The following ANKRD36C variants were observed in gnomAD, a reference collection of about 807,000 sequenced individuals.
ANKRD36C encodes the protein ankyrin repeat domain-containing protein 36C.
Under a neutral mutation model 276.4 loss-of-function variants are expected in ANKRD36C, and 61 were observed. The observed-to-expected ratio is 0.22, with a 90% CI of 0.18 to 0.27. The LOEUF is 0.27. Among genes scored for constraint, ANKRD36C ranks in the 10% least tolerant of loss-of-function variants. The probability of loss-of-function intolerance (pLI) is 1.00; values close to 1 mark genes in which losing one functional copy is unlikely to be tolerated. For synonymous variants in ANKRD36C, 483 were observed against 680.1 expected, an observed-to-expected ratio of 0.71 and a Z score of 4.51; for missense variants, 1,447 against 2,032.3, an observed-to-expected ratio of 0.71 and a Z score of 5.54.
intron 54 of ANKRD36C, 46 bp downstream of exon 74, chr2:95,884,127 T>C: frequency 6.4e-7 from 1 of 1,563,708 alleles, no homozygotes; most frequent in Non-Finnish European, 8.7e-7. Flanking sequence ...AGAAGTTCTT[T>C]TCTATCTGGA....
At chr2:95,911,829 T>A (rs975271325) in intron 42 of ANKRD36C, among the ~76,000 whole-genome samples, 7 of 151,458 alleles carry the variant, frequency 4.6e-5, no homozygotes, top group Non-Finnish European at 1.0e-4. Flanking sequence ...AGGGGTCTCC[T>A]CAGTTCTCCT....
intron 24 of ANKRD36C, among the ~76,000 whole-genome samples, chr2:95,931,921 A>G (rs1458342950): frequency 1.3e-5 from 2 of 152,110 alleles, no homozygotes; most frequent in East Asian, 1.9e-4. Flanking sequence ...TCTTCATCAA[A>G]GTCCTATTTG....
At chr2:95,910,305 T>G in intron 42 of ANKRD36C, 68 bp downstream of exon 46, 1 of 1,459,640 alleles carries the variant, frequency 6.9e-7, no homozygotes, top group Non-Finnish European at 9.2e-7. Context: ...ACCCGCTGCT[T>G]TATTTGGAGA....
At chr2:95,892,691 T>C (rs967153122) in intron 44 of ANKRD36C, among the ~76,000 whole-genome samples, 2 of 151,528 alleles carry the variant, frequency 1.3e-5, no homozygotes, top group African/African-American at 2.4e-5. Context: ...GAATCCAGCA[T>C]AATTTTTGTT....
intron 1 of ANKRD36C, among the ~76,000 whole-genome samples, chr2:95,991,090 C>T (rs1175423945): frequency 1.3e-5 from 2 of 150,614 alleles, no homozygotes; most frequent in East Asian, 3.9e-4. Flanking sequence ...AAAGAAAGTC[C>T]AGCCCCTTTG....
chr2:95,965,657 T>C (rs572811887), intron 6 of ANKRD36C, among the ~76,000 whole-genome samples: 3 of 152,166 alleles, frequency 2.0e-5, no homozygotes, highest in Admixed American at 2.0e-4. Context: ...TATGTCACCA[T>C]ATTTATGTCC....
chr2:95,944,332 C>T (rs1266064386), intron 19 of ANKRD36C, among the ~76,000 whole-genome samples: 1 of 152,148 alleles, frequency 6.6e-6, no homozygotes, highest in East Asian at 1.9e-4. Flanking sequence ...TAATGGCAAA[C>T]CTAAGAATCA....
At chr2:95,934,132 G>A (rs1406024338) in intron 24 of ANKRD36C, among the ~76,000 whole-genome samples, 3 of 152,126 alleles carry the variant, frequency 2.0e-5, no homozygotes, top group Admixed American at 2.0e-4. Flanking sequence ...TGGAGAAATA[G>A]GAACGCTTTT....
chr2:95,960,780 T>A, intron 8 of ANKRD36C, 113 bp from the exon 9 acceptor site: 1 of 568,352 alleles, frequency 1.8e-6, no homozygotes, highest in Admixed American at 3.2e-5. Flanking sequence ...TAGCATAGGC[T>A]TTGATGTTTT....
intron 60 of ANKRD36C, among the ~76,000 whole-genome samples, chr2:95,862,085 G>A (rs2264719): frequency 1.4e-4 from 21 of 151,982 alleles, no homozygotes; most frequent in Non-Finnish European, 2.2e-4. Context: ...AACCAGCCTC[G>A]CAATATATGA....
intron 58 of ANKRD36C, among the ~76,000 whole-genome samples, chr2:95,879,144 A>C (rs1173079826): frequency 1.3e-5 from 2 of 152,186 alleles, no homozygotes; most frequent in Admixed American, 6.5e-5. Flanking sequence ...CCTCTCATTC[A>C]CATGACATGG....
intron 59 of ANKRD36C, among the ~76,000 whole-genome samples, chr2:95,872,789 A>C (rs1452320114): frequency 6.6e-6 from 1 of 152,188 alleles, no homozygotes; most frequent in Non-Finnish European, 1.5e-5. Flanking sequence ...AAAAGAAGAA[A>C]AGAGAGAAGA....
At chr2:95,977,375 T>A (rs1678832144) in intron 6 of ANKRD36C, among the ~76,000 whole-genome samples, 1 of 152,228 alleles carries the variant, frequency 6.6e-6, no homozygotes, top group African/African-American at 2.4e-5. Flanking sequence ...CACTGATGGT[T>A]TTCACAGGAA....
intron 6 of ANKRD36C, among the ~76,000 whole-genome samples, chr2:95,975,164 G>A (rs946848740): frequency 6.6e-6 from 1 of 152,116 alleles, no homozygotes; most frequent in African/African-American, 2.4e-5. Context: ...CCATTCTCAT[G>A]GGTAGGAAGA....
At chr2:95,851,222 A>T in intron 66 of ANKRD36C, 27 bp from the exon 87 acceptor site, 1 of 1,484,746 alleles carries the variant, frequency 6.7e-7, no homozygotes, top group South Asian at 1.2e-5. Context: ...ATTACTTATA[A>T]TGTTTCAGTC....
intron 32 of ANKRD36C, 41 bp downstream of exon 32, chr2:95,923,454 T>A (rs765609465): frequency 8.7e-6 from 14 of 1,600,398 alleles, no homozygotes; most frequent in South Asian, 6.7e-5. Flanking sequence ...TTCTTTTCTA[T>A]CTGGACTGAA....
intron 60 of ANKRD36C, among the ~76,000 whole-genome samples, chr2:95,862,761 T>G (rs998289291): frequency 2.6e-5 from 4 of 152,052 alleles, no homozygotes; most frequent in Non-Finnish European, 5.9e-5. Context: ...GGGGGGATTT[T>G]TACAGGTAGT....
At chr2:95,891,929 G>C (rs1009844725) in intron 44 of ANKRD36C, 69 bp from the exon 65 acceptor site, 51 of 1,544,642 alleles carry the variant, frequency 3.3e-5, no homozygotes, top group Non-Finnish European at 4.1e-5. Flanking sequence ...CATTCATGCA[G>C]TGTTAGCATC....
intron 44 of ANKRD36C, among the ~76,000 whole-genome samples, chr2:95,894,628 T>A (rs975002643): frequency 6.6e-6 from 1 of 151,402 alleles, no homozygotes. Context: ...AAACAGCTAT[T>A]TTATACAAGA....
Sources: gnomAD v4.1 joint callset for allele counts (sites outside exome capture counted in the v4.1 genomes callset) on GRCh38, gnomAD v4.1.1 for gene constraint, MANE v1.5 for transcripts, NCBI Gene and HGNC (gene_info 2026-07-23, HGNC 2026-07-21) for gene names.